HSD17B2: variants seen among roughly 807,000 people sequenced by gnomAD.
HSD17B2 encodes 17-beta-hydroxysteroid dehydrogenase type 2.
In HSD17B2, 32 loss-of-function variants were observed where a neutral mutation model predicts 26.9. The ratio of observed to expected loss-of-function variants is 1.19; its 90% CI spans 0.90 to 1.60. The LOEUF (loss-of-function observed/expected upper bound fraction) is 1.60. Among genes scored for constraint, HSD17B2 ranks in the 40% most tolerant of loss-of-function variants. The pLI is 0.00. For synonymous variants in HSD17B2, 246 were observed against 186.7 expected, an observed-to-expected ratio of 1.32 and a Z score of -2.59; for missense variants, 613 against 468.6, an observed-to-expected ratio of 1.31 and a Z score of -2.85.
At chr16:82,057,009 C>G (rs1235686871) in intron 1 of HSD17B2, among the ~76,000 whole-genome samples, 1 of 152,076 alleles carries the variant, frequency 6.6e-6, no homozygotes, top group African/African-American at 2.4e-5. Context: ...GTTAGAGCAA[C>G]ACAACAAAGT....
Position 82,071,305 on chromosome 16 carries a change from C to T in HSD17B2, c.664+178C>T, listed in dbSNP as rs571368802. On this transcript the variant is annotated intron_variant, in intron 3 of 4. Transcript: ENST00000199936. The stretch of plus-strand genomic sequence containing the variant: ...TAAAACCTTTCTCTTCTTTCAAATT[C>T]TTTCATGTAGAAACTCTTATCTGCC... 5 of 678,726 alleles carry T rather than the reference C, an allele frequency of 7.4e-6. No individual in the cohort carries two copies. The South Asian group carries it at 8.1e-5, about 11-fold the overall frequency. The allele number at this position is 678,726 out of a possible 1,614,324, so 42.0% of individuals were successfully genotyped here.
intron 3 of HSD17B2, among the ~76,000 whole-genome samples, chr16:82,079,602 G>C (rs1904329616): frequency 6.6e-6 from 1 of 152,198 alleles, no homozygotes; most frequent in Non-Finnish European, 1.5e-5. Context: ...TTTCTGGGTG[G>C]TGGGGGGAGC....
chr16:82,057,675 C>G (rs958665538), intron 1 of HSD17B2, among the ~76,000 whole-genome samples: 1 of 152,234 alleles, frequency 6.6e-6, no homozygotes, highest in Admixed American at 6.5e-5. Context: ...GCTATGTACC[C>G]TTAATGTGAT....
chr16:82,045,586 G>C (rs1386738785), intron 1 of HSD17B2, among the ~76,000 whole-genome samples: 1 of 152,230 alleles, frequency 6.6e-6, no homozygotes, highest in Non-Finnish European at 1.5e-5. Context: ...TATAGGCGAT[G>C]AGAGTTCTGC....
At chr16:82,074,757 G>C (rs768287939) in intron 3 of HSD17B2, among the ~76,000 whole-genome samples, 2 of 152,302 alleles carry the variant, frequency 1.3e-5, no homozygotes, top group African/African-American at 4.8e-5. Flanking sequence ...GTAGCTGGAG[G>C]CTTCAATACT....
intron 1 of HSD17B2, among the ~76,000 whole-genome samples, chr16:82,041,071 T>A (rs1019657387): frequency 2.2e-4 from 34 of 152,324 alleles, no homozygotes; most frequent in African/African-American, 7.7e-4. Flanking sequence ...TTGTGAAAGT[T>A]TGAACAATGA....
intron 3 of HSD17B2, among the ~76,000 whole-genome samples, chr16:82,081,439 A>G (rs1051186686): frequency 2.0e-5 from 3 of 151,938 alleles, no homozygotes; most frequent in African/African-American, 7.3e-5. Flanking sequence ...CAGACTCTCA[A>G]TACTTTTCTC....
At chr16:82,046,524 A>T (rs1913933794) in intron 1 of HSD17B2, among the ~76,000 whole-genome samples, 1 of 152,136 alleles carries the variant, frequency 6.6e-6, no homozygotes, top group African/African-American at 2.4e-5. Context: ...GGAGTTCAAC[A>T]CTAGACTGAG....
intron 3 of HSD17B2, among the ~76,000 whole-genome samples, chr16:82,086,322 G>A (rs144440135): frequency 3.9e-5 from 6 of 152,260 alleles, no homozygotes; most frequent in East Asian, 1.9e-4. Context: ...ACTGATACAC[G>A]CTACAACATG....
Position 82,077,992 on chromosome 16 carries a change from A to G in HSD17B2, c.664+6865A>G, listed in dbSNP as rs550530317. On this transcript the variant is annotated intron_variant, in intron 3 of 4. Coordinates refer to ENST00000199936, the MANE Select transcript of HSD17B2 (RefSeq NM_002153.3). ...ACTCTCCAGGACACTGGAATTGGCAAAGATTTCTTGAGTAACACCCAACAA... is the reference window on the plus strand; with the variant it reads ...ACTCTCCAGGACACTGGAATTGGCAGAGATTTCTTGAGTAACACCCAACAA... Among the ~76,000 whole-genome samples the G allele has an allele frequency of 6.4e-4, 97 of 152,346 alleles. 1 individual carries two copies. The highest frequency in any genetic ancestry group is 4.9e-4 in the Non-Finnish European group (33 of 68,034).
intron 3 of HSD17B2, among the ~76,000 whole-genome samples, chr16:82,084,557 A>AT (rs139197622): frequency 0.27 from 41,681 of 151,568 alleles, 6,586 homozygotes; most frequent in Non-Finnish European, 0.36. Context: ...TTTTATTATT[A>AT]TTTTTTTTAT....
In HSD17B2 at chr16:82,073,718, G is replaced by A. The variant is rs8191191; in HGVS notation, c.664+2591G>A. On this transcript the variant is annotated intron_variant, in intron 3 of 4. Transcript: ENST00000199936. ...AAATTGGAGATGACACAAACAAATG[G>A]AAAAAATCTCATGTTCATGGATAAG... Among the ~76,000 whole-genome samples, 933 of 152,084 alleles carry A rather than the reference G, an allele frequency of 6.1e-3. 9 individuals carry two copies. The highest frequency in any genetic ancestry group is 8.7e-3 in the Non-Finnish European group (594 of 67,992).
intron 3 of HSD17B2, among the ~76,000 whole-genome samples, chr16:82,080,589 G>A (rs1035879137): frequency 2.0e-5 from 3 of 152,176 alleles, no homozygotes; most frequent in Non-Finnish European, 4.4e-5. Flanking sequence ...AATTTGTAAT[G>A]TTTAAGCCAC....
chr16:82,057,209 T>C lies in HSD17B2; in HGVS notation c.266-10961T>C, dbSNP rs557842411. 1.1e-4 allele frequency among the ~76,000 whole-genome samples: 16 copies of C among 151,922 alleles called. No homozygotes were observed. In the South Asian group the frequency reaches 2.9e-3, roughly 28 times the overall value. On this transcript the variant is annotated intron_variant, in intron 1 of 4. Transcript: ENST00000199936. The stretch of plus-strand genomic sequence containing the variant: ...CCCACTTTCTCTTTTCTTTTCTTTT[T>C]TTTTTTTTGAGAGAGAGTCCCCCTC...
intron 3 of HSD17B2, among the ~76,000 whole-genome samples, chr16:82,090,656 G>C (rs1683120732): frequency 6.6e-6 from 1 of 152,052 alleles, no homozygotes; most frequent in Non-Finnish European, 1.5e-5. Flanking sequence ...ACAAGATTGA[G>C]CCTTCAACTT....
intron 3 of HSD17B2, among the ~76,000 whole-genome samples, chr16:82,078,673 G>A (rs916782904): frequency 2.0e-5 from 3 of 152,184 alleles, no homozygotes; most frequent in Non-Finnish European, 4.4e-5. Context: ...ACACACAATG[G>A]AGTACTATTC....
chr16:82,089,639 T>G (rs974861735), intron 3 of HSD17B2, among the ~76,000 whole-genome samples: 17 of 152,198 alleles, frequency 1.1e-4, no homozygotes, highest in Admixed American at 9.8e-4. Context: ...AACCAAGTGT[T>G]AGCAGGGCTG....
intron 3 of HSD17B2, among the ~76,000 whole-genome samples, chr16:82,082,900 C>T (rs146242879): frequency 1.2e-3 from 182 of 152,322 alleles, no homozygotes; most frequent in African/African-American, 4.3e-3. Context: ...GGTTCAGTGA[C>T]TGGCCTGTAA....
At chr16:82,051,687 G>A (rs2143939639) in intron 1 of HSD17B2, among the ~76,000 whole-genome samples, 1 of 152,264 alleles carries the variant, frequency 6.6e-6, no homozygotes, top group African/African-American at 2.4e-5. Context: ...ATACAGCTAT[G>A]TAACAAACCT....
Sources: gnomAD v4.1 joint callset for allele counts (sites outside exome capture counted in the v4.1 genomes callset) on GRCh38, gnomAD v4.1.1 for gene constraint, MANE v1.5 for transcripts, NCBI Gene and HGNC (gene_info 2026-07-23, HGNC 2026-07-21) for gene names.